The following FUT9 variants were observed in gnomAD, a reference collection of about 807,000 sequenced individuals.
The protein encoded by FUT9 is fucosyltransferase 9.
A neutral mutation model predicts 29.7 loss-of-function variants in FUT9; 15 were observed. The observed-to-expected ratio is 0.51, with a 90% CI of 0.34 to 0.78. The LOEUF (loss-of-function observed/expected upper bound fraction) is 0.78. FUT9 is among the 30% of genes least tolerant of loss of function. The probability of loss-of-function intolerance (pLI) is 0.01; values close to 1 mark genes in which losing one functional copy is unlikely to be tolerated. For missense variants in FUT9, 319 were observed against 425.4 expected (o/e 0.75, Z 2.20); for synonymous variants, 169 against 153.7 (o/e 1.10, Z -0.74).
intron 2 of FUT9, among the ~76,000 whole-genome samples, chr6:96,119,825 A>T (rs1439885993): frequency 6.6e-6 from 1 of 152,174 alleles, no homozygotes; most frequent in Non-Finnish European, 1.5e-5. Context: ...TTCCAATCAC[A>T]ATGATGACTT....
intron 1 of FUT9, among the ~76,000 whole-genome samples, chr6:96,029,917 T>C (rs1770231893): frequency 6.6e-6 from 1 of 151,596 alleles, no homozygotes; most frequent in South Asian, 2.1e-4. Flanking sequence ...TCACAAATTC[T>C]GCAATAAGTG....
chr6:96,078,959 ATCT>A (rs1161844158), intron 1 of FUT9, among the ~76,000 whole-genome samples: 1 of 151,972 alleles, frequency 6.6e-6, no homozygotes, highest in Non-Finnish European at 1.5e-5. Context: ...AGACTCCTTA[ATCT>A]TCTTATTTAA....
intron 2 of FUT9, among the ~76,000 whole-genome samples, chr6:96,122,928 C>T (rs141362726): frequency 0.025 from 3,796 of 151,664 alleles, 73 homozygotes; most frequent in East Asian, 0.079. Context: ...GGCATGGTGG[C>T]GGGCGCCTGT....
rs1197282455 is a variant in FUT9 at position 96,215,098 on chromosome 6, T to C, written c.*10863T>C. ...AGGCACTTAGTTTGCTACCACATTG[T>C]TCCCTTCATTGATTGAAACTGTAAA... On this transcript the variant is annotated 3_prime_UTR_variant, in exon 3 of 3. Coordinates refer to ENST00000302103, the MANE Select transcript of FUT9 (RefSeq NM_006581.4). The C allele has an allele frequency of 6.0e-6, 1 of 166,982 alleles. No homozygotes were observed. Among genetic ancestry groups the C allele is most frequent in the Non-Finnish European group, 1.5e-5 (1 of 68,074 alleles). The allele number at this position is 166,982 out of a possible 1,614,324, so 10.3% of individuals were successfully genotyped here.
intron 1 of FUT9, among the ~76,000 whole-genome samples, chr6:96,072,077 T>C (rs773202922): frequency 3.9e-5 from 6 of 152,202 alleles, no homozygotes; most frequent in Admixed American, 1.3e-4. Context: ...TAGTAAGACC[T>C]TATCTCTATT....
intron 2 of FUT9, among the ~76,000 whole-genome samples, chr6:96,138,266 CTT>C (rs904147831): frequency 6.6e-6 from 1 of 152,270 alleles, no homozygotes; most frequent in African/African-American, 2.4e-5. Flanking sequence ...AATTGTAAGT[CTT>C]TGGATGAATG....
In FUT9 at chr6:96,205,454, T is replaced by C. The variant is rs1037304963; in HGVS notation, c.*1219T>C. ...AAGTACTAATTGGAGATGACTTTTA[T>C]ATCCCATTTTGGTAATTATTCATAC... On this transcript the variant is annotated 3_prime_UTR_variant, in exon 3 of 3. Coordinates refer to ENST00000302103, the MANE Select transcript of FUT9 (RefSeq NM_006581.4). The C allele has an allele frequency of 1.2e-5, 2 of 167,210 alleles. No individual in the cohort carries two copies. Among genetic ancestry groups the C allele is most frequent in the Admixed American group, 6.5e-5 (1 of 15,302 alleles). 10.4% of individuals were successfully genotyped at this position (167,210 alleles called of 1,614,324 possible). A position where few individuals can be genotyped will look rare whatever the true frequency, so the allele number is the denominator to read the frequency against.
At chr6:96,077,561 G>C (rs1771159822) in intron 1 of FUT9, among the ~76,000 whole-genome samples, 1 of 151,992 alleles carries the variant, frequency 6.6e-6, no homozygotes. Flanking sequence ...TCCTGCTGGA[G>C]CTCTCCACCC....
intron 1 of FUT9, among the ~76,000 whole-genome samples, chr6:96,038,838 C>T (rs934447068): frequency 6.6e-6 from 1 of 152,056 alleles, no homozygotes; most frequent in Non-Finnish European, 1.5e-5. Context: ...CCTGAATGAC[C>T]TTCTTTGCAC....
chr6:96,181,344 G>A (rs949781913), intron 2 of FUT9, among the ~76,000 whole-genome samples: 1 of 151,982 alleles, frequency 6.6e-6, no homozygotes, highest in Non-Finnish European at 1.5e-5. Context: ...ATAGTCTCTG[G>A]TTGAGAATAA....
intron 2 of FUT9, among the ~76,000 whole-genome samples, chr6:96,115,111 G>A (rs9499225): frequency 0.69 from 105,058 of 152,122 alleles, 37,487 homozygotes; most frequent in East Asian, 0.84. Flanking sequence ...TGAATGCATT[G>A]TGACACAAAA....
intron 1 of FUT9, among the ~76,000 whole-genome samples, chr6:96,025,034 T>C (rs1298132016): frequency 6.6e-6 from 1 of 151,868 alleles, no homozygotes; most frequent in East Asian, 1.9e-4. Flanking sequence ...GCATTTGCCA[T>C]GATTCCTTGA....
chr6:96,146,454 C>T (rs1772569309), intron 2 of FUT9, among the ~76,000 whole-genome samples: 1 of 152,040 alleles, frequency 6.6e-6, no homozygotes. Context: ...GTTCAAACGA[C>T]AAAGGAAAAT....
At position 96,018,289 on chromosome 6, in the gene FUT9, T is replaced by C. The variant is rs184542334; in HGVS notation, c.-98+2077T>C. Among the ~76,000 whole-genome samples the C allele has an allele frequency of 2.6e-5, 4 of 152,266 alleles. No homozygotes were observed. The East Asian group carries it at 7.7e-4, about 29-fold the overall frequency. On this transcript the variant is annotated intron_variant, in intron 1 of 2. Transcript: ENST00000302103. ...CAAATTGAAAGCAAGGAGTAATACT[T>C]TGATCAGTTATTGCCCATAATTATG...
chr6:96,037,797 A>T (rs916655140), intron 1 of FUT9, among the ~76,000 whole-genome samples: 5 of 152,156 alleles, frequency 3.3e-5, no homozygotes, highest in Non-Finnish European at 7.4e-5. Context: ...AATTGTGAAT[A>T]CAAAATGGCA....
rs538249321 is a variant in FUT9 at position 96,115,534 on chromosome 6, A to C, written c.-9+1407A>C. Among the ~76,000 whole-genome samples the C allele has an allele frequency of 8.5e-5, 13 of 152,246 alleles. 1 individual carries two copies. Among genetic ancestry groups the C allele is most frequent in the Admixed American group, 5.2e-4 (8 of 15,280 alleles). The stretch of plus-strand genomic sequence containing the variant: ...TGTTCCAATAACTAAATCAAGTGTC[A>C]GTTTTTAAATTTAAATTGATAATCA... On this transcript the variant is annotated intron_variant, in intron 2 of 2. Transcript: ENST00000302103.
chr6:96,202,868 A>T (rs1773753190), intron 2 of FUT9, among the ~76,000 whole-genome samples: 2 of 152,154 alleles, frequency 1.3e-5, no homozygotes, highest in Non-Finnish European at 2.9e-5. Context: ...AGCAAATAAA[A>T]GTAGAACAGT....
chr6:96,135,789 G>T (rs549402563), intron 2 of FUT9, among the ~76,000 whole-genome samples: 1 of 151,564 alleles, frequency 6.6e-6, no homozygotes, highest in African/African-American at 2.4e-5. Context: ...ATTTGATAAA[G>T]GTTAGATCTT....
intron 1 of FUT9, among the ~76,000 whole-genome samples, chr6:96,077,812 A>G (rs887988923): frequency 2.0e-5 from 3 of 152,174 alleles, no homozygotes; most frequent in Admixed American, 1.3e-4. Flanking sequence ...TCAACTAATA[A>G]TGTAGTCAAT....
Sources: gnomAD v4.1 joint callset for allele counts (sites outside exome capture counted in the v4.1 genomes callset) on GRCh38, gnomAD v4.1.1 for gene constraint, MANE v1.5 for transcripts, NCBI Gene and HGNC (gene_info 2026-07-23, HGNC 2026-07-21) for gene names.